Variants in PDE11A observed in about 807,000 individuals in gnomAD.
PDE11A encodes phosphodiesterase 11A.
Under a neutral mutation model 100.5 loss-of-function variants are expected in PDE11A, and 100 were observed. The ratio of observed to expected loss-of-function variants is 1.00; its 90% confidence interval spans 0.85 to 1.18. The LOEUF is 1.18. Among genes scored for constraint, PDE11A ranks in the 50% most tolerant of loss-of-function variants. The pLI is 0.00. For synonymous variants in PDE11A, 381 were observed against 420.8 expected, an observed-to-expected ratio of 0.91 and a Z score of 1.16; for missense variants, 1,141 against 1,152.6, an observed-to-expected ratio of 0.99 and a Z score of 0.15.
chr2:178,032,297 T>C (rs191411612), intron 1 of PDE11A, among the ~76,000 whole-genome samples: 1 of 152,254 alleles, frequency 6.6e-6, no homozygotes, highest in East Asian at 1.9e-4. Context: ...CAAATTTCTA[T>C]AAGATCAATA....
At chr2:177,845,217 G>A (rs1223296460) in intron 5 of PDE11A, among the ~76,000 whole-genome samples, 5 of 151,264 alleles carry the variant, frequency 3.3e-5, no homozygotes, top group African/African-American at 7.3e-5. Flanking sequence ...GGGCGGAGAC[G>A]CTCCTCACTT....
rs1559042362 is a variant in PDE11A, at chr2:178,014,425, A to G, written c.948T>C (p.Thr316=). 2 of 1,613,368 alleles carry G rather than the reference A, an allele frequency of 1.2e-6. No individual in the cohort carries two copies. The highest frequency in any genetic ancestry group is 1.7e-5 in the Admixed American group (1 of 60,028). Reference sequence around the variant, plus strand: ...ACAATAATGATTTTGTCTTGTATCCAGTTAGCTTGTCGATTTCATCATTGA... The same window carrying G: ...ACAATAATGATTTTGTCTTGTATCCGGTTAGCTTGTCGATTTCATCATTGA... The part of the protein sequence containing the change: ...RRFNDEIDKL[T]GYKTKSLLCM... Residue 316 remains threonine, a synonymous_variant, in exon 2 of 20, where the codon ACT becomes ACC. Transcript: ENST00000286063.
upstream of PDE11A, chr2:178,073,171 G>A (rs1350738513): frequency 3.2e-6 from 2 of 617,204 alleles, no homozygotes; most frequent in Non-Finnish European, 2.0e-6. Context: ...CCGAGGAATC[G>A]AGAGTGTCGT....
intron 5 of PDE11A, among the ~76,000 whole-genome samples, chr2:177,851,391 G>T (rs1366323665): frequency 1.3e-5 from 2 of 151,934 alleles, no homozygotes; most frequent in Non-Finnish European, 2.9e-5. Flanking sequence ...GTCGTGGGGT[G>T]GGGGGATCGG....
Position 177,828,936 on chromosome 2 carries a change from C to A in PDE11A, c.1501-8641G>T, listed in dbSNP as rs182068916. Among the ~76,000 whole-genome samples, 17 of 150,494 alleles carry A rather than the reference C, an allele frequency of 1.1e-4. No homozygotes were observed. The East Asian group carries it at 3.4e-3, about 30-fold the overall frequency. ...GTGTTGAGAAAAGAGTATAGAGGGGCAAAGTGGAAGGAGAGGGACAGTTTA... is the reference window on the plus strand; with the variant it reads ...GTGTTGAGAAAAGAGTATAGAGGGGAAAAGTGGAAGGAGAGGGACAGTTTA... On this transcript the variant is annotated intron_variant, in intron 6 of 19. Coordinates refer to ENST00000286063, the MANE Select transcript of PDE11A (RefSeq NM_016953.4).
chr2:177,797,435 G>T (rs2082721903), intron 9 of PDE11A, among the ~76,000 whole-genome samples: 1 of 152,070 alleles, frequency 6.6e-6, no homozygotes, highest in South Asian at 2.1e-4. Context: ...ATGCTGTTTT[G>T]GTGAAGGTTC....
intron 1 of PDE11A, among the ~76,000 whole-genome samples, chr2:178,030,410 T>C (rs1270214264): frequency 1.3e-5 from 2 of 152,136 alleles, no homozygotes; most frequent in East Asian, 3.9e-4. Context: ...CCGTTAAACA[T>C]ACACACACAT....
At chr2:177,805,206 C>G (rs2105559764) in intron 9 of PDE11A, among the ~76,000 whole-genome samples, 1 of 151,778 alleles carries the variant, frequency 6.6e-6, no homozygotes, top group African/African-American at 2.4e-5. Context: ...AATATATATC[C>G]TTAAGAAGGA....
In PDE11A at chr2:177,898,138, T is replaced by TGACAATTTTCTC; in HGVS notation, c.1210_1221dup (p.Glu404_Val407dup). The TGACAATTTTCTC allele has an allele frequency of 6.2e-7, 1 of 1,611,438 alleles. No homozygotes were observed. The highest frequency in any genetic ancestry group is 1.3e-5 in the African/African-American group (1 of 74,996). On this transcript the variant is annotated inframe_insertion, in exon 4 of 20. Coordinates refer to ENST00000286063, the MANE Select transcript of PDE11A (RefSeq NM_016953.4). Reference sequence around the variant, plus strand: ...GTTTGGGCCCGATGCATTATTTTCTTGACAATTTTCTCCAGGTCAGTCTGT... The same window carrying TGACAATTTTCTC: ...GTTTGGGCCCGATGCATTATTTTCTTGACAATTTTCTCGACAATTTTCTCCAGGTCAGTCTGT...
In PDE11A at chr2:177,627,263, C is replaced by T. The variant is rs2105424995; in HGVS notation, c.*2144G>A. On this transcript the variant is annotated 3_prime_UTR_variant, in exon 20 of 20. Transcript: ENST00000286063. ...GTGTTAGCCAGGACGGTCTCGATCT[C>T]CTGACCTCGTGATCCGCCCGCCTCG... 1 of 151,970 alleles carries T rather than the reference C, an allele frequency of 6.6e-6. No individual in the cohort carries two copies. Among genetic ancestry groups the T allele is most frequent in the Admixed American group, 6.5e-5 (1 of 15,274 alleles). The allele number at this position is 151,970 out of a possible 1,614,324, so 9.4% of individuals were successfully genotyped here.
intron 9 of PDE11A, among the ~76,000 whole-genome samples, chr2:177,780,763 C>A (rs923277121): frequency 6.6e-6 from 1 of 152,200 alleles, no homozygotes; most frequent in Non-Finnish European, 1.5e-5. Flanking sequence ...TCTTCTGCAA[C>A]TTCCTCACCT....
At chr2:177,924,205 T>A (rs927059306) in intron 2 of PDE11A, among the ~76,000 whole-genome samples, 1 of 152,220 alleles carries the variant, frequency 6.6e-6, no homozygotes, top group African/African-American at 2.4e-5. Context: ...CTTCACTTAC[T>A]CAAATAAATG....
intron 1 of PDE11A, among the ~76,000 whole-genome samples, chr2:178,062,229 A>T: frequency 6.6e-6 from 1 of 151,610 alleles, no homozygotes; most frequent in East Asian, 1.9e-4. Flanking sequence ...TTTTAGGGTT[A>T]TGATAAAAAG....
chr2:177,656,812 T>C (rs1350212467), intron 19 of PDE11A, among the ~76,000 whole-genome samples: 1 of 152,150 alleles, frequency 6.6e-6, no homozygotes, highest in Non-Finnish European at 1.5e-5. Flanking sequence ...TCCAGGCACA[T>C]ATGAGAGCGA....
intron 2 of PDE11A, among the ~76,000 whole-genome samples, chr2:177,959,150 C>T (rs957148872): frequency 6.6e-6 from 1 of 152,114 alleles, no homozygotes; most frequent in African/African-American, 2.4e-5. Flanking sequence ...ATCTGGAAAC[C>T]AGAGCCAAGA....
intron 17 of PDE11A, among the ~76,000 whole-genome samples, chr2:177,674,370 A>T (rs954585893): frequency 2.6e-5 from 4 of 152,194 alleles, no homozygotes; most frequent in Non-Finnish European, 5.9e-5. Flanking sequence ...GCAGAAATTG[A>T]GGTGTCAGCA....
intron 12 of PDE11A, among the ~76,000 whole-genome samples, chr2:177,725,810 T>C (rs1338921618): frequency 1.3e-5 from 2 of 152,150 alleles, no homozygotes; most frequent in Non-Finnish European, 2.9e-5. Flanking sequence ...CTCTTGCCAG[T>C]TTCCCCTATT....
chr2:178,090,432 T>C (rs1191734955), intron 2 of PDE11A, among the ~76,000 whole-genome samples: 1 of 152,204 alleles, frequency 6.6e-6, no homozygotes, highest in East Asian at 1.9e-4. Flanking sequence ...ACTACAATTT[T>C]TTTAATGGAA....
At chr2:177,830,243 G>A (rs1311038360) in intron 6 of PDE11A, among the ~76,000 whole-genome samples, 5 of 152,188 alleles carry the variant, frequency 3.3e-5, no homozygotes, top group African/African-American at 4.8e-5. Context: ...GTGAGACCCT[G>A]AGCAGAGAAC....
Sources: allele counts gnomAD v4.1 joint callset (sites outside exome capture counted in the v4.1 genomes callset), GRCh38; gene constraint gnomAD v4.1.1; transcripts MANE v1.5; gene names NCBI Gene and HGNC (gene_info 2026-07-23, HGNC 2026-07-21).